The following OTOGL variants were observed in gnomAD, a reference collection of about 807,000 sequenced individuals.
The protein encoded by OTOGL is otogelin-like protein.
OTOGL carries 285 observed loss-of-function variants against 318.5 expected under a neutral mutation model. That is an observed-to-expected ratio of 0.89 (90% CI 0.81 to 0.99). The LOEUF is 0.99. OTOGL is among the 50% of genes least tolerant of loss of function. The pLI, the probability that OTOGL is intolerant of heterozygous loss-of-function variation, is 0.00. For synonymous variants in OTOGL, 987 were observed against 936.5 expected (o/e 1.05, Z -0.99); for missense variants, 2,899 against 2,845.6 (o/e 1.02, Z -0.43).
At chr12:80,349,600 A>T (rs1889413316) in intron 44 of OTOGL, among the ~76,000 whole-genome samples, 1 of 152,194 alleles carries the variant, frequency 6.6e-6, no homozygotes. Context: ...GGACGTGCTA[A>T]TGGCAATATA....
At chr12:80,232,433 CT>C (rs1879453039) in intron 8 of OTOGL, among the ~76,000 whole-genome samples, 1 of 152,098 alleles carries the variant, frequency 6.6e-6, no homozygotes, top group Admixed American at 6.5e-5. Flanking sequence ...AATCAGAAAA[CT>C]CAAGCATCAT....
At position 80,211,974 on chromosome 12, in the gene OTOGL, A is replaced by C; in HGVS notation, c.145A>C (p.Lys49Gln). The C allele has an allele frequency of 6.3e-7, 1 of 1,577,720 alleles. No homozygotes were observed. The highest frequency in any genetic ancestry group is 8.6e-7 in the Non-Finnish European group (1 of 1,168,528). Residue 49 changes from lysine (K) to glutamine (Q), a missense_variant, in exon 4 of 59, where the codon AAA (lysine) becomes CAA (glutamine). By Grantham distance (53) the Lys-to-Gln change is moderately conservative (BLOSUM62 1). This residue lies in a region of OTOGL where 2,607 missense variants were observed against 2,524.9 expected (regional missense o/e 1.03). Transcript: ENST00000547103. ...AAACGGGTTTAATGAAAATCGACAG[A>C]AAAGAGCTCTTTTAGCAGCACAGGT... ...SKNGFNENRQ[K>Q]RALLAAQFEA...
At chr12:80,253,948 A>G (rs1056509122) in intron 14 of OTOGL, among the ~76,000 whole-genome samples, 8 of 152,158 alleles carry the variant, frequency 5.3e-5, no homozygotes, top group Non-Finnish European at 1.2e-4. Flanking sequence ...AGAAACATTT[A>G]GAATTCCATA....
In OTOGL at chr12:80,156,408, C is replaced by T. The variant is rs756162413; in HGVS notation, c.-19-53005C>T. On this transcript the variant is annotated intron_variant, in intron 1 of 58. Coordinates refer to ENST00000547103, the MANE Select transcript of OTOGL (RefSeq NM_001378609.3). ...GAGTCAATACTCCTTAATAAACTCC[C>T]GTTTATATATACATCTATCCTATTA... Among the ~76,000 whole-genome samples the T allele has an allele frequency of 3.9e-5, 6 of 152,104 alleles. 1 individual carries two copies. The highest frequency in any genetic ancestry group is 2.1e-4 in the South Asian group (1 of 4,820).
At chr12:80,180,559 C>G (rs1000409985) in intron 1 of OTOGL, among the ~76,000 whole-genome samples, 1 of 152,116 alleles carries the variant, frequency 6.6e-6, no homozygotes, top group Non-Finnish European at 1.5e-5. Flanking sequence ...GAGAAAGGAG[C>G]CTTTTGTTGT....
At chr12:80,204,092 G>A (rs1471995826) in intron 1 of OTOGL, among the ~76,000 whole-genome samples, 1 of 152,268 alleles carries the variant, frequency 6.6e-6, no homozygotes, top group African/African-American at 2.4e-5. Context: ...TCTAATTCAC[G>A]CTGGGGGTAT....
intron 7 of OTOGL, among the ~76,000 whole-genome samples, chr12:80,225,783 C>T (rs1030130443): frequency 6.6e-6 from 1 of 151,980 alleles, no homozygotes; most frequent in Non-Finnish European, 1.5e-5. Context: ...TTAATGATGT[C>T]CTATATTGGA....
chr12:80,217,734 A>C (rs1326304648), intron 5 of OTOGL, 70 bp downstream of exon 5: 5 of 1,182,958 alleles, frequency 4.2e-6, no homozygotes, highest in Middle Eastern at 1.9e-4. Context: ...TATTGAATCA[A>C]GTATTTATTG....
At chr12:80,344,149 T>A (rs1007958840) in intron 44 of OTOGL, among the ~76,000 whole-genome samples, 1 of 152,240 alleles carries the variant, frequency 6.6e-6, no homozygotes, top group African/African-American at 2.4e-5. Flanking sequence ...TTCACATTTT[T>A]AAAATGCATG....
chr12:80,304,015 C>A (rs1354467522), intron 28 of OTOGL, among the ~76,000 whole-genome samples: 1 of 152,166 alleles, frequency 6.6e-6, no homozygotes. Flanking sequence ...CTCAGACAAC[C>A]ACTGATTATA....
At chr12:80,285,949 C>A (rs963389322) in intron 26 of OTOGL, among the ~76,000 whole-genome samples, 4 of 152,018 alleles carry the variant, frequency 2.6e-5, no homozygotes. Context: ...TGTCTTGTGC[C>A]GGTTTTCAAA....
At chr12:80,312,092 C>T (rs543304636) in intron 30 of OTOGL, among the ~76,000 whole-genome samples, 1 of 152,066 alleles carries the variant, frequency 6.6e-6, no homozygotes, top group Non-Finnish European at 1.5e-5. Context: ...TTAGATTTCA[C>T]ATTGCAAAGA....
chr12:80,280,195 AGGCCTTTGTAG>A (rs1212495196), intron 26 of OTOGL, among the ~76,000 whole-genome samples: 1 of 151,788 alleles, frequency 6.6e-6, no homozygotes, highest in African/African-American at 2.4e-5. Context: ...TCTGGTTATT[AGGCCTTTGTAG>A]GGTGCATAAT....
chr12:80,222,257 T>C lies in OTOGL; in HGVS notation c.489+12T>C. 2 of 1,560,724 alleles carry C rather than the reference T, an allele frequency of 1.3e-6. No individual in the cohort carries two copies. The highest frequency in any genetic ancestry group is 1.7e-6 in the Non-Finnish European group (2 of 1,158,376). On this transcript the variant is annotated intron_variant, in intron 7 of 58. Transcript: ENST00000547103. The stretch of plus-strand genomic sequence containing the variant: ...GGTACACTGTATGGGTAGGTGATTG[T>C]AGGACATGATTAACTTAAAAATATT...
intron 1 of OTOGL, among the ~76,000 whole-genome samples, chr12:80,174,728 T>G (rs917841957): frequency 9.9e-5 from 15 of 152,190 alleles, no homozygotes; most frequent in Non-Finnish European, 2.1e-4. Context: ...TTTCCAAAAT[T>G]GTGCTTTTTA....
intron 9 of OTOGL, among the ~76,000 whole-genome samples, chr12:80,237,977 AT>A (rs1430308893): frequency 6.6e-6 from 1 of 152,052 alleles, no homozygotes; most frequent in Non-Finnish European, 1.5e-5. Flanking sequence ...ATCTTGTTTG[AT>A]TTTGCCAAGT....
chr12:80,278,161 T>C lies in OTOGL; in HGVS notation c.2682-7T>C. 2.6e-6 allele frequency: 4 copies of C among 1,534,484 alleles called. No homozygotes were observed. Among genetic ancestry groups the C allele is most frequent in the Non-Finnish European group, 3.5e-6 (4 of 1,133,550 alleles). On this transcript the variant is annotated splice_region_variant and splice_polypyrimidine_tract_variant and intron_variant, in intron 24 of 58. Transcript: ENST00000547103. ...TACTAAATAGCATTTTATTCTTCAT[T>C]TGGAAGAATGGCAGAGCACAGAGGA...
At chr12:80,189,741 C>T (rs984372572) in intron 1 of OTOGL, among the ~76,000 whole-genome samples, 1 of 152,146 alleles carries the variant, frequency 6.6e-6, no homozygotes, top group Non-Finnish European at 1.5e-5. Context: ...CTATTTGATG[C>T]ACCTGGAGCA....
At chr12:80,128,381 G>T (rs1870997139) in intron 1 of OTOGL, among the ~76,000 whole-genome samples, 1 of 152,192 alleles carries the variant, frequency 6.6e-6, no homozygotes, top group Admixed American at 6.5e-5. Flanking sequence ...AAATGTTGCT[G>T]CCTGATCGTT....
Sources: allele counts gnomAD v4.1 joint callset (sites outside exome capture counted in the v4.1 genomes callset), GRCh38; gene constraint gnomAD v4.1.1; regional missense constraint gnomAD v4.1.1; transcripts MANE v1.5; gene names NCBI Gene and HGNC (gene_info 2026-07-23, HGNC 2026-07-21).